OPCML: variants seen among roughly 807,000 people sequenced by gnomAD.
The protein encoded by OPCML is opioid binding protein/cell adhesion molecule like.
In OPCML, 13 loss-of-function variants were observed where a neutral mutation model predicts 37.8. The ratio of observed to expected loss-of-function variants is 0.34; its 90% confidence interval spans 0.22 to 0.55. The LOEUF (loss-of-function observed/expected upper bound fraction) is 0.55, where lower values mean the gene tolerates loss of function less well. Among genes scored for constraint, OPCML ranks in the 20% least tolerant of loss-of-function variants. OPCML has a pLI of 0.91. For synonymous variants in OPCML, 176 were observed against 168.8 expected (o/e 1.04, Z -0.33); for missense variants, 341 against 435.6 (o/e 0.78, Z 1.93).
intron 1 of OPCML, among the ~76,000 whole-genome samples, chr11:133,194,003 ACTGGAT>A (rs1000528489): frequency 6.6e-6 from 1 of 152,326 alleles, no homozygotes; most frequent in African/African-American, 2.4e-5. Context: ...CTTTTAAGTT[ACTGGAT>A]TCAGCAACAG....
intron 1 of OPCML, chr11:133,419,255 G>C: frequency 5.1e-6 from 5 of 985,412 alleles, no homozygotes; most frequent in Non-Finnish European, 6.0e-6. Context: ...GAGAGTATAT[G>C]AGTTTGGTTT....
At chr11:133,531,713 A>G (rs528784150) in intron 1 of OPCML, among the ~76,000 whole-genome samples, 43 of 145,646 alleles carry the variant, frequency 3.0e-4, no homozygotes, top group South Asian at 7.4e-4. Flanking sequence ...GAAGGAAGGG[A>G]GGGAGGAGGA....
chr11:133,425,718 G>A (rs1052539228), intron 1 of OPCML, among the ~76,000 whole-genome samples: 2 of 151,946 alleles, frequency 1.3e-5, no homozygotes, highest in Non-Finnish European at 2.9e-5. Context: ...GTGCCAAACT[G>A]GGTGATTTTT....
intron 3 of OPCML, among the ~76,000 whole-genome samples, chr11:132,601,498 C>T (rs903327917): frequency 2.6e-5 from 4 of 152,202 alleles, no homozygotes; most frequent in Admixed American, 2.0e-4. Flanking sequence ...CACGCTACCA[C>T]GTAACCCTCC....
intron 1 of OPCML, chr11:133,024,516 C>T: frequency 1.0e-6 from 1 of 985,424 alleles, no homozygotes; most frequent in Non-Finnish European, 1.2e-6. Flanking sequence ...TTAAGAAACG[C>T]TTATTGCCTG....
At chr11:133,435,827 C>A (rs914628335) in intron 1 of OPCML, among the ~76,000 whole-genome samples, 2 of 152,206 alleles carry the variant, frequency 1.3e-5, no homozygotes, top group Non-Finnish European at 2.9e-5. Flanking sequence ...TCCACTCTAG[C>A]CCCACCTCTC....
chr11:132,777,113 C>T lies in OPCML; in HGVS notation c.147-119794G>A, dbSNP rs1591595320. ...ATAAGCTCCTTAAGGACTGGGGCTC[C>T]ACTTTCTTAACTTTGTGGTACTCTC... On this transcript the variant is annotated intron_variant, in intron 2 of 7. Transcript: ENST00000524381. 3.3e-5 allele frequency among the ~76,000 whole-genome samples: 5 copies of T among 152,308 alleles called. No homozygotes were observed. In the South Asian group the frequency reaches 8.3e-4, roughly 25 times the overall value.
intron 2 of OPCML, among the ~76,000 whole-genome samples, chr11:132,755,650 G>C (rs941573007): frequency 6.6e-6 from 1 of 152,260 alleles, no homozygotes; most frequent in Non-Finnish European, 1.5e-5. Context: ...ATCATATATA[G>C]TCAAAGTCTG....
chr11:133,255,904 G>A (rs1941297388), intron 1 of OPCML, among the ~76,000 whole-genome samples: 1 of 152,100 alleles, frequency 6.6e-6, no homozygotes, highest in African/African-American at 2.4e-5. Flanking sequence ...TGATACCAAT[G>A]GAAATGTCTC....
chr11:133,206,278 G>A lies in OPCML; in HGVS notation c.62-263268C>T, dbSNP rs977502953. Among the ~76,000 whole-genome samples, 2 of 152,170 alleles carry A rather than the reference G, an allele frequency of 1.3e-5. No homozygotes were observed. The highest frequency in any genetic ancestry group is 2.4e-5 in the African/African-American group (1 of 41,440). On this transcript the variant is annotated intron_variant, in intron 1 of 7. Coordinates refer to ENST00000524381, the MANE Select transcript of OPCML (RefSeq NM_001012393.5). The surrounding 1 kb of genome is among the most constrained non-coding windows in gnomAD (Gnocchi z 4.7). ...AGATCAGCGTGATTAAAGACAGTGA[G>A]CAGAACTCGCCATACTGAGGTCTGT...
chr11:132,799,064 G>A (rs983027685), intron 2 of OPCML, among the ~76,000 whole-genome samples: 1 of 151,812 alleles, frequency 6.6e-6, no homozygotes, highest in South Asian at 2.1e-4. Flanking sequence ...ATGACAAATG[G>A]CTTCAACTTG....
chr11:133,314,557 G>GA (rs58045536), intron 1 of OPCML, among the ~76,000 whole-genome samples: 7,316 of 140,932 alleles, frequency 0.052, 207 homozygotes, highest in Middle Eastern at 0.076. Flanking sequence ...TCCATAATAA[G>GA]AAAAAAAAAA....
chr11:133,261,565 A>T (rs759523004), intron 1 of OPCML, among the ~76,000 whole-genome samples: 2 of 151,886 alleles, frequency 1.3e-5, no homozygotes, highest in Non-Finnish European at 2.9e-5. Flanking sequence ...ATCCGTCTCT[A>T]CCTTTGGAAG....
chr11:133,112,685 TG>T (rs1387140232), intron 1 of OPCML, among the ~76,000 whole-genome samples: 1 of 152,176 alleles, frequency 6.6e-6, no homozygotes. Context: ...TCACCAGTCC[TG>T]GCCTAAGGAA....
intron 3 of OPCML, among the ~76,000 whole-genome samples, chr11:132,590,644 A>G (rs2096482844): frequency 6.6e-6 from 1 of 152,190 alleles, no homozygotes; most frequent in South Asian, 2.1e-4. Context: ...CTTTAGTGGA[A>G]CCTAGGTTTT....
chr11:132,634,881 C>T (rs576682815), intron 3 of OPCML, among the ~76,000 whole-genome samples: 1 of 151,982 alleles, frequency 6.6e-6, no homozygotes, highest in East Asian at 1.9e-4. Flanking sequence ...TGGGCCGATA[C>T]ACTCAGGACT....
chr11:132,507,409 T>C (rs1468950360), intron 4 of OPCML, among the ~76,000 whole-genome samples: 1 of 151,940 alleles, frequency 6.6e-6, no homozygotes, highest in Non-Finnish European at 1.5e-5. Context: ...CCATATGAAT[T>C]ATATATAACT....
At chr11:132,928,993 C>T (rs1344643692) in intron 2 of OPCML, among the ~76,000 whole-genome samples, 1 of 147,664 alleles carries the variant, frequency 6.8e-6, no homozygotes, top group Non-Finnish European at 1.5e-5. Flanking sequence ...TAAACACTTA[C>T]AACAAAAAAG....
At chr11:133,040,310 C>T (rs1380299154) in intron 1 of OPCML, among the ~76,000 whole-genome samples, 1 of 152,128 alleles carries the variant, frequency 6.6e-6, no homozygotes, top group Non-Finnish European at 1.5e-5. Context: ...TAACATTCAC[C>T]CCACCTACCC....
Sources: allele counts gnomAD v4.1 joint callset (sites outside exome capture counted in the v4.1 genomes callset), GRCh38; gene constraint gnomAD v4.1.1; non-coding constraint Gnocchi (gnomAD v3.1); transcripts MANE v1.5; gene names NCBI Gene and HGNC (gene_info 2026-07-23, HGNC 2026-07-21).